P3H2: variants seen among roughly 807,000 people sequenced by gnomAD.
P3H2 encodes prolyl 3-hydroxylase 2.
Under a neutral mutation model 87.0 loss-of-function variants are expected in P3H2, and 80 were observed. That is an observed-to-expected ratio of 0.92 (90% CI 0.77 to 1.11). P3H2 has a LOEUF of 1.11. Ranked by LOEUF, P3H2 falls within the 50% of genes least tolerant of loss-of-function variation. The pLI, the probability that P3H2 is intolerant of heterozygous loss-of-function variation, is 0.00. For synonymous variants in P3H2, 367 were observed against 359.3 expected, an observed-to-expected ratio of 1.02 and a Z score of -0.24; for missense variants, 1,001 against 923.9, an observed-to-expected ratio of 1.08 and a Z score of -1.08.
At chr3:190,024,693 ATAT>A (rs1432735983) in intron 1 of P3H2, among the ~76,000 whole-genome samples, 1 of 152,140 alleles carries the variant, frequency 6.6e-6, no homozygotes, top group African/African-American at 2.4e-5. Context: ...ACAGGTTGTT[ATAT>A]CTGCAATGAT....
chr3:190,055,091 C>T (rs151020424), intron 1 of P3H2, among the ~76,000 whole-genome samples: 55 of 152,302 alleles, frequency 3.6e-4, no homozygotes, highest in Non-Finnish European at 6.8e-4. Flanking sequence ...GAACAGGAGA[C>T]TCCCCCGTCT....
intron 1 of P3H2, among the ~76,000 whole-genome samples, chr3:190,104,139 G>C (rs1403100831): frequency 2.0e-5 from 3 of 152,136 alleles, no homozygotes; most frequent in African/African-American, 7.2e-5. Flanking sequence ...CTCTGCTAGA[G>C]ATCTGAAATC....
chr3:190,094,993 T>A (rs1560398982), intron 1 of P3H2, among the ~76,000 whole-genome samples: 1 of 152,096 alleles, frequency 6.6e-6, no homozygotes, highest in Non-Finnish European at 1.5e-5. Context: ...GTTTGAAAAC[T>A]TAGTAAAAGA....
At chr3:189,966,135 G>GAA (rs1491199126) in intron 13 of P3H2, among the ~76,000 whole-genome samples, 5 of 72,348 alleles carry the variant, frequency 6.9e-5, no homozygotes, top group South Asian at 4.2e-4. Flanking sequence ...AAGAAAGAAA[G>GAA]AAAGAAAGAA....
chr3:189,979,125 TA>T (rs925607341), intron 8 of P3H2, among the ~76,000 whole-genome samples: 9 of 151,680 alleles, frequency 5.9e-5, no homozygotes, highest in Admixed American at 5.2e-4. Flanking sequence ...CTTTTACAGT[TA>T]AAAAAACAAA....
intron 1 of P3H2, among the ~76,000 whole-genome samples, chr3:190,105,384 T>C (rs1347799484): frequency 6.6e-6 from 1 of 152,124 alleles, no homozygotes; most frequent in Non-Finnish European, 1.5e-5. Flanking sequence ...CAAAAGGAGA[T>C]TTTTTGTTGT....
At chr3:190,107,530 GTTT>G (rs1453528762) in intron 1 of P3H2, among the ~76,000 whole-genome samples, 9 of 152,092 alleles carry the variant, frequency 5.9e-5, no homozygotes, top group African/African-American at 2.2e-4. Context: ...GAGTTGAGCA[GTTT>G]TTATTATTAT....
At chr3:189,981,569 C>A (rs745545812) in intron 8 of P3H2, among the ~76,000 whole-genome samples, 1 of 152,144 alleles carries the variant, frequency 6.6e-6, no homozygotes. Context: ...TCGTCCTAGA[C>A]AATTCTGTGG....
At chr3:189,964,828 G>A (rs1380473769) in intron 13 of P3H2, among the ~76,000 whole-genome samples, 1 of 152,188 alleles carries the variant, frequency 6.6e-6, no homozygotes, top group Non-Finnish European at 1.5e-5. Flanking sequence ...TGTCCACAGC[G>A]TTTAGGTAGA....
chr3:190,112,385 G>T (rs540832031), intron 1 of P3H2, among the ~76,000 whole-genome samples: 87 of 152,260 alleles, frequency 5.7e-4, no homozygotes, highest in African/African-American at 2.0e-3. Context: ...CCATACCCAG[G>T]TCTTGCACAA....
At chr3:190,089,427 C>T (rs540306511) in intron 1 of P3H2, among the ~76,000 whole-genome samples, 1 of 152,168 alleles carries the variant, frequency 6.6e-6, no homozygotes, top group Non-Finnish European at 1.5e-5. Flanking sequence ...CCAAAAATTC[C>T]AAAGTAGTTG....
At chr3:190,119,734 G>C (rs996855511) in intron 1 of P3H2, among the ~76,000 whole-genome samples, 1 of 152,184 alleles carries the variant, frequency 6.6e-6, no homozygotes, top group African/African-American at 2.4e-5. Context: ...AGGTGAAGGG[G>C]AGAAGAGAGA....
chr3:190,074,013 T>C (rs1051619411), intron 1 of P3H2, among the ~76,000 whole-genome samples: 1 of 152,200 alleles, frequency 6.6e-6, no homozygotes, highest in African/African-American at 2.4e-5. Flanking sequence ...GATTAAGAAA[T>C]ACTCTCGTAT....
chr3:189,966,070 GAAGGAAAGAAAGGA>G (rs1406775591), intron 13 of P3H2, among the ~76,000 whole-genome samples: 72 of 134,060 alleles, frequency 5.4e-4, no homozygotes, highest in African/African-American at 1.8e-3. Flanking sequence ...GAAAGAGAAA[GAAGGAAAGAAAGGA>G]AGAAAGAAAG....
chr3:190,020,584 CT>C (rs1724903382), intron 1 of P3H2, among the ~76,000 whole-genome samples: 1 of 133,822 alleles, frequency 7.5e-6, no homozygotes, highest in African/African-American at 2.6e-5. Context: ...AAAGTCAGAG[CT>C]TTCCCCTTTC....
chr3:189,961,584 G>A (rs860757), intron 14 of P3H2, among the ~76,000 whole-genome samples: 32,246 of 151,980 alleles, frequency 0.21, 3,695 homozygotes, highest in Non-Finnish European at 0.27. Flanking sequence ...AGAATCACCT[G>A]GGGAGCTCTT....
At chr3:190,084,161 T>C in intron 1 of P3H2, among the ~76,000 whole-genome samples, 1 of 152,194 alleles carries the variant, frequency 6.6e-6, no homozygotes, top group Admixed American at 6.5e-5. Context: ...AGGACTCAAA[T>C]GAGCTGATTA....
chr3:190,105,676 C>G (rs1380917916), intron 1 of P3H2, among the ~76,000 whole-genome samples: 1 of 152,158 alleles, frequency 6.6e-6, no homozygotes, highest in Non-Finnish European at 1.5e-5. Context: ...ATTTTATATT[C>G]CATTATTTTA....
At chr3:190,087,654 C>T (rs944644819) in intron 1 of P3H2, among the ~76,000 whole-genome samples, 1 of 151,188 alleles carries the variant, frequency 6.6e-6, no homozygotes, top group East Asian at 1.9e-4. Context: ...TATTTGAATA[C>T]GATCAGTATT....
Sources: allele counts gnomAD v4.1 joint callset (sites outside exome capture counted in the v4.1 genomes callset), GRCh38; gene constraint gnomAD v4.1.1; transcripts MANE v1.5; gene names NCBI Gene and HGNC (gene_info 2026-07-23, HGNC 2026-07-21).